The following PDE1A variants were observed in gnomAD, a reference collection of about 807,000 sequenced individuals.
PDE1A encodes dual specificity calcium/calmodulin-dependent 3',5'-cyclic nucleotide phosphodiesterase 1A.
A neutral mutation model predicts 61.7 loss-of-function variants in PDE1A; 35 were observed. The observed-to-expected ratio is 0.57, with a 90% CI of 0.43 to 0.75. PDE1A has a LOEUF of 0.75. PDE1A is among the 30% of genes least tolerant of loss of function. The probability of loss-of-function intolerance (pLI) is 0.00; values close to 1 mark genes in which losing one functional copy is unlikely to be tolerated. For synonymous variants in PDE1A, 232 were observed against 213.2 expected (o/e 1.09, Z -0.77); for missense variants, 597 against 630.6 (o/e 0.95, Z 0.57).
chr2:182,338,569 G>A (rs189454523), intron 1 of PDE1A, among the ~76,000 whole-genome samples: 30 of 152,230 alleles, frequency 2.0e-4, no homozygotes, highest in African/African-American at 5.5e-4. Flanking sequence ...CTGCCATCCA[G>A]GCTGGAGAGT....
chr2:182,455,134 C>G (rs1355269349), intron 2 of PDE1A, among the ~76,000 whole-genome samples: 1 of 151,924 alleles, frequency 6.6e-6, no homozygotes, highest in African/African-American at 2.4e-5. Flanking sequence ...GACATTTATG[C>G]AGCCAAAAAA....
chr2:182,580,363 G>C, the PDE1A span, among the ~76,000 whole-genome samples: 1 of 152,070 alleles, frequency 6.6e-6, no homozygotes, highest in South Asian at 2.1e-4. Flanking sequence ...TCTCTCATTC[G>C]CTTATGGGTA....
At chr2:182,620,521 A>G in the PDE1A span, among the ~76,000 whole-genome samples, 1 of 152,238 alleles carries the variant, frequency 6.6e-6, no homozygotes, top group African/African-American at 2.4e-5. Context: ...GAACTAGAAT[A>G]AAGAGTAAGA....
chr2:182,573,406 T>A, the PDE1A span, among the ~76,000 whole-genome samples: 1 of 151,986 alleles, frequency 6.6e-6, no homozygotes, highest in African/African-American at 2.4e-5. Context: ...TTAAAAAAAA[T>A]ACAGAATGTG....
At chr2:182,212,900 T>A (rs998413609) in intron 7 of PDE1A, among the ~76,000 whole-genome samples, 2 of 151,918 alleles carry the variant, frequency 1.3e-5, no homozygotes, top group Non-Finnish European at 2.9e-5. Flanking sequence ...AAGCTCGAAC[T>A]GGGTGGAGCC....
At chr2:182,477,861 C>G (rs1167424452) in intron 2 of PDE1A, among the ~76,000 whole-genome samples, 1 of 151,902 alleles carries the variant, frequency 6.6e-6, no homozygotes, top group Non-Finnish European at 1.5e-5. Context: ...ACAACCCAAT[C>G]ACAAAAACAT....
intron 2 of PDE1A, among the ~76,000 whole-genome samples, chr2:182,484,112 T>C (rs1225541967): frequency 1.3e-5 from 2 of 151,964 alleles, no homozygotes; most frequent in Non-Finnish European, 2.9e-5. Flanking sequence ...GCAATTAAAT[T>C]CTTCCCACAG....
intron 1 of PDE1A, among the ~76,000 whole-genome samples, chr2:182,337,972 T>C (rs774963338): frequency 6.6e-6 from 1 of 152,208 alleles, no homozygotes; most frequent in Non-Finnish European, 1.5e-5. Context: ...CTATATCACA[T>C]AGGTATGTTC....
At chr2:182,237,949 CCTT>C (rs1275295681) in intron 3 of PDE1A, among the ~76,000 whole-genome samples, 4 of 152,050 alleles carry the variant, frequency 2.6e-5, no homozygotes, top group Non-Finnish European at 5.9e-5. Context: ...AATTGGGAAA[CCTT>C]CTGGTGGTTT....
At chr2:182,324,488 A>G (rs1245348692) in intron 1 of PDE1A, among the ~76,000 whole-genome samples, 1 of 152,160 alleles carries the variant, frequency 6.6e-6, no homozygotes, top group African/African-American at 2.4e-5. Flanking sequence ...CCTGTATATG[A>G]GAAAATTAAA....
intron 1 of PDE1A, among the ~76,000 whole-genome samples, chr2:182,269,580 T>C (rs1692874806): frequency 1.3e-5 from 2 of 152,066 alleles, no homozygotes; most frequent in South Asian, 4.1e-4. Flanking sequence ...TGATCAACTG[T>C]AAATACTTCT....
chr2:182,482,977 G>A (rs1323318653), intron 2 of PDE1A, among the ~76,000 whole-genome samples: 25 of 151,862 alleles, frequency 1.6e-4, no homozygotes, highest in Non-Finnish European at 1.5e-5. Flanking sequence ...ACATAAACAG[G>A]TGAAAATAAA....
the PDE1A span, among the ~76,000 whole-genome samples, chr2:182,561,184 T>G: frequency 6.6e-6 from 1 of 151,772 alleles, no homozygotes; most frequent in South Asian, 2.1e-4. Flanking sequence ...GTTTTTATGG[T>G]TTTAGGTCTA....
chr2:182,413,797 T>C (rs984004073), intron 1 of PDE1A, among the ~76,000 whole-genome samples: 1 of 152,182 alleles, frequency 6.6e-6, no homozygotes, highest in Non-Finnish European at 1.5e-5. Context: ...TAATCCTGTG[T>C]CTGTGTGTGT....
At chr2:182,337,529 C>G (rs1697914024) in intron 1 of PDE1A, among the ~76,000 whole-genome samples, 1 of 152,080 alleles carries the variant, frequency 6.6e-6, no homozygotes, top group Admixed American at 6.6e-5. Flanking sequence ...TAAAAATTAG[C>G]CCTTAGAATC....
At chr2:182,566,373 A>G in the PDE1A span, among the ~76,000 whole-genome samples, 1 of 152,078 alleles carries the variant, frequency 6.6e-6, no homozygotes, top group East Asian at 1.9e-4. Flanking sequence ...TTAGTCATCA[A>G]TATTTCGAAA....
chr2:182,186,004 C>A (rs765932362), exon 13 of PDE1A: 1 of 1,613,962 alleles, frequency 6.2e-7, no homozygotes, highest in Admixed American at 1.7e-5. Flanking sequence ...GGGAATAGGA[C>A]CCATCACTCA....
intron 1 of PDE1A, among the ~76,000 whole-genome samples, chr2:182,265,215 C>T (rs1442286581): frequency 6.6e-6 from 1 of 151,318 alleles, no homozygotes; most frequent in Admixed American, 6.6e-5. Flanking sequence ...AAGAACTTAT[C>T]CACGTAACCA....
chr2:182,264,310 T>G, exon 2 of PDE1A: 1 of 1,604,388 alleles, frequency 6.2e-7, no homozygotes, highest in Non-Finnish European at 8.5e-7. Context: ...CCTTGTTTCA[T>G]CGATATAAAC....
Sources: allele counts gnomAD v4.1 joint callset (sites outside exome capture counted in the v4.1 genomes callset), GRCh38; gene constraint gnomAD v4.1.1; transcripts MANE v1.5; gene names NCBI Gene and HGNC (gene_info 2026-07-23, HGNC 2026-07-21).